Variants in NCKAP5 observed in about 807,000 individuals in gnomAD.
NCKAP5 encodes nck-associated protein 5.
In NCKAP5, 92 loss-of-function variants were observed where a neutral mutation model predicts 167.0. The observed-to-expected ratio is 0.55, with a 90% CI of 0.47 to 0.66. The LOEUF (loss-of-function observed/expected upper bound fraction) is 0.66. NCKAP5 is among the 30% of genes least tolerant of loss of function. NCKAP5 has a pLI of 0.00. For synonymous variants in NCKAP5, 891 were observed against 877.4 expected (o/e 1.02, Z -0.27); for missense variants, 2,378 against 2,315.0 (o/e 1.03, Z -0.56).
At chr2:133,533,876 C>CTAAGGTATG (rs1212159065) in intron 2 of NCKAP5, among the ~76,000 whole-genome samples, 1 of 152,006 alleles carries the variant, frequency 6.6e-6, no homozygotes, top group Non-Finnish European at 1.5e-5. Context: ...AATAGATTAC[C>CTAAGGTATG]TAAGGTATGT....
intron 6 of NCKAP5, among the ~76,000 whole-genome samples, chr2:133,009,940 G>A (rs1175880485): frequency 5.9e-5 from 9 of 151,896 alleles, no homozygotes; most frequent in South Asian, 2.1e-4. Flanking sequence ...GCGTGGTGGC[G>A]GGTGCCTGTA....
At chr2:133,566,883 GT>G (rs945698840) in intron 1 of NCKAP5, among the ~76,000 whole-genome samples, 93 of 152,336 alleles carry the variant, frequency 6.1e-4, no homozygotes, top group African/African-American at 1.8e-3. Flanking sequence ...AGCCTAATGT[GT>G]TCTGATGGAA....
chr2:132,683,682 C>T (rs1039388987), intron 19 of NCKAP5, among the ~76,000 whole-genome samples: 1 of 152,156 alleles, frequency 6.6e-6, no homozygotes, highest in African/African-American at 2.4e-5. Flanking sequence ...TTGTATCTAC[C>T]CTTTTCTTAA....
chr2:133,514,208 C>T (rs1328628659), intron 3 of NCKAP5, among the ~76,000 whole-genome samples: 1 of 152,100 alleles, frequency 6.6e-6, no homozygotes, highest in African/African-American at 2.4e-5. Context: ...GGCCTTTAAC[C>T]CCCACAATGA....
chr2:133,476,747 G>T (rs1679948602), intron 3 of NCKAP5, among the ~76,000 whole-genome samples: 1 of 152,124 alleles, frequency 6.6e-6, no homozygotes, highest in Admixed American at 6.5e-5. Context: ...CGTGGAATAG[G>T]CTTCATGCTC....
intron 6 of NCKAP5, among the ~76,000 whole-genome samples, chr2:133,030,479 A>G (rs2078844694): frequency 1.3e-5 from 2 of 152,124 alleles, no homozygotes; most frequent in Non-Finnish European, 2.9e-5. Flanking sequence ...AGATATCTCC[A>G]TATTTTTAAA....
intron 4 of NCKAP5, among the ~76,000 whole-genome samples, chr2:133,261,275 A>G (rs2088893567): frequency 2.0e-5 from 3 of 152,154 alleles, no homozygotes; most frequent in Admixed American, 1.3e-4. Flanking sequence ...AAACGATTCA[A>G]AGTACCAGCA....
At chr2:133,617,982 G>C in the NCKAP5 span, among the ~76,000 whole-genome samples, 305 of 151,794 alleles carry the variant, frequency 2.0e-3, 4 homozygotes, top group Admixed American at 0.013. Flanking sequence ...CAGAACAGAG[G>C]CCTCAGAAAT....
intron 6 of NCKAP5, among the ~76,000 whole-genome samples, chr2:133,017,612 A>G (rs2078381608): frequency 6.7e-6 from 1 of 148,154 alleles, no homozygotes; most frequent in African/African-American, 2.5e-5. Flanking sequence ...GTAGATTCTG[A>G]AAAAAAAAAA....
intron 10 of NCKAP5, 117 bp from the exon 11 acceptor site, chr2:132,860,728 A>G: frequency 8.0e-7 from 1 of 1,242,536 alleles, no homozygotes; most frequent in Admixed American, 2.9e-5. Flanking sequence ...TTATTCTTCA[A>G]AGCCCCCAGA....
intron 4 of NCKAP5, among the ~76,000 whole-genome samples, chr2:133,282,031 A>G (rs1361478392): frequency 6.6e-6 from 1 of 152,160 alleles, no homozygotes; most frequent in Non-Finnish European, 1.5e-5. Context: ...ACGTGCCTAT[A>G]AGGAAGAGGG....
At chr2:133,072,850 A>ATGAC (rs1327445195) in intron 6 of NCKAP5, among the ~76,000 whole-genome samples, 1 of 152,214 alleles carries the variant, frequency 6.6e-6, no homozygotes, top group African/African-American at 2.4e-5. Context: ...ATTATAAAAT[A>ATGAC]TGACTGTAGG....
At chr2:133,590,926 TGAGAGAGA>T in the NCKAP5 span, among the ~76,000 whole-genome samples, 8,562 of 150,912 alleles carry the variant, frequency 0.057, 544 homozygotes, top group East Asian at 0.32. Flanking sequence ...CATGTGTGTG[TGAGAGAGA>T]GAGAGAGAGA....
intron 8 of NCKAP5, among the ~76,000 whole-genome samples, chr2:132,929,110 A>G (rs903301412): frequency 1.3e-5 from 2 of 152,224 alleles, no homozygotes; most frequent in African/African-American, 4.8e-5. Flanking sequence ...ATGTGAGGAC[A>G]CAGCAAGCAA....
At chr2:133,203,686 A>C (rs776636048) in intron 5 of NCKAP5, among the ~76,000 whole-genome samples, 2 of 152,046 alleles carry the variant, frequency 1.3e-5, no homozygotes, top group African/African-American at 2.4e-5. Context: ...GAATTTACCT[A>C]AATCTAAGTG....
chr2:133,165,163 C>A (rs139820240), intron 5 of NCKAP5, among the ~76,000 whole-genome samples: 2 of 152,276 alleles, frequency 1.3e-5, no homozygotes, highest in Non-Finnish European at 2.9e-5. Context: ...GAGCCTACTA[C>A]CCCAACACAG....
intron 8 of NCKAP5, among the ~76,000 whole-genome samples, chr2:132,901,377 C>T (rs1408466039): frequency 1.3e-5 from 2 of 152,158 alleles, no homozygotes; most frequent in African/African-American, 4.8e-5. Context: ...AAATTCACAC[C>T]ACTGTAATTA....
chr2:132,807,921 G>A lies in NCKAP5; in HGVS notation c.808-11192C>T, dbSNP rs1685559809. ...CATAGATGGCTTTTATAACATAAAG[G>A]TATGTCCCTTATATGCTGATTTTGC... On this transcript the variant is annotated intron_variant, in intron 11 of 19. Coordinates refer to ENST00000409261, the MANE Select transcript of NCKAP5 (RefSeq NM_207363.3). Among the ~76,000 whole-genome samples the A allele has an allele frequency of 2.6e-5, 4 of 152,036 alleles. 1 individual carries two copies. The South Asian group carries it at 8.3e-4, about 32-fold the overall frequency.
At chr2:133,625,885 A>G in the NCKAP5 span, among the ~76,000 whole-genome samples, 1 of 151,810 alleles carries the variant, frequency 6.6e-6, no homozygotes, top group Non-Finnish European at 1.5e-5. Context: ...AAAAAAAAAA[A>G]AAGAATAATA....
Sources: gnomAD v4.1 joint callset for allele counts (sites outside exome capture counted in the v4.1 genomes callset) on GRCh38, gnomAD v4.1.1 for gene constraint, MANE v1.5 for transcripts, NCBI Gene and HGNC (gene_info 2026-07-23, HGNC 2026-07-21) for gene names.